Variants in C6orf89 observed in about 807,000 individuals in gnomAD.
The protein encoded by C6orf89 is chromosome 6 open reading frame 89, also known as bombesin receptor-activated protein C6orf89.
A neutral mutation model predicts 40.7 loss-of-function variants in C6orf89; 29 were observed. The ratio of observed to expected loss-of-function variants is 0.71; its 90% CI spans 0.53 to 0.97. The LOEUF is 0.97. Among genes scored for constraint, C6orf89 ranks in the 50% least tolerant of loss-of-function variants. The pLI, the probability that C6orf89 is intolerant of heterozygous loss-of-function variation, is 0.00. For missense variants in C6orf89, 392 were observed against 429.1 expected, an observed-to-expected ratio of 0.91 and a Z score of 0.76; for synonymous variants, 165 against 152.2, an observed-to-expected ratio of 1.08 and a Z score of -0.62.
At chr6:36,915,610 G>T (rs919918193) in intron 6 of C6orf89, among the ~76,000 whole-genome samples, 2 of 152,078 alleles carry the variant, frequency 1.3e-5, no homozygotes, top group African/African-American at 4.8e-5. Context: ...GGAGGCTGAG[G>T]TGGGAGGATG....
intron 7 of C6orf89, among the ~76,000 whole-genome samples, chr6:36,917,850 A>T (rs2150713759): frequency 6.6e-6 from 1 of 152,342 alleles, no homozygotes; most frequent in African/African-American, 2.4e-5. Flanking sequence ...ACCAAAGTTA[A>T]TTTCTCCAGC....
Position 36,928,401 on chromosome 6 carries a change from C to G in C6orf89, c.*4960C>G, listed in dbSNP as rs1002875174. On this transcript the variant is annotated 3_prime_UTR_variant, in exon 9 of 9. Coordinates refer to ENST00000480824, the MANE Select transcript of C6orf89 (RefSeq NM_001286635.2). ...CAGCTCCTTGGGGCAGGGGGCTCACCTGTGCAGCCACCCTTACTCACAGTA... is the reference window on the plus strand; with the variant it reads ...CAGCTCCTTGGGGCAGGGGGCTCACGTGTGCAGCCACCCTTACTCACAGTA... 1 of 152,648 alleles carries G rather than the reference C, an allele frequency of 6.6e-6. No individual in the cohort carries two copies. Among genetic ancestry groups the G allele is most frequent in the African/African-American group, 2.4e-5 (1 of 41,296 alleles). The allele number at this position is 152,648 out of a possible 1,614,324, so 9.5% of individuals were successfully genotyped here. A position where few individuals can be genotyped will look rare whatever the true frequency, so the allele number is the denominator to read the frequency against.
At chr6:36,916,266 A>G (rs2293393) in intron 6 of C6orf89, among the ~76,000 whole-genome samples, 179 bp from the exon 7 acceptor site, 88,276 of 152,074 alleles carry the variant, frequency 0.58, 26,306 homozygotes, top group African/African-American at 0.69. Flanking sequence ...GTGTGTACAC[A>G]TTATAGTTCA....
chr6:36,916,653 C>T, intron 7 of C6orf89, 79 bp downstream of exon 7: 1 of 1,562,894 alleles, frequency 6.4e-7, no homozygotes, highest in Non-Finnish European at 8.8e-7. Flanking sequence ...AAGGCCTTCC[C>T]TGCATATTGG....
At chr6:36,898,208 A>T (rs996558854) in intron 2 of C6orf89, among the ~76,000 whole-genome samples, 1 of 134,212 alleles carries the variant, frequency 7.5e-6, no homozygotes, top group African/African-American at 2.7e-5. Flanking sequence ...TCAGCTTCCC[A>T]GGTAGCTGGG....
intron 6 of C6orf89, among the ~76,000 whole-genome samples, chr6:36,915,771 A>T (rs1443205016): frequency 1.3e-5 from 2 of 151,852 alleles, no homozygotes; most frequent in Non-Finnish European, 2.9e-5. Flanking sequence ...GAGATTAAGT[A>T]ACTTGCCTAA....
At chr6:36,878,357 G>T (rs1774715455) in intron 1 of C6orf89, among the ~76,000 whole-genome samples, 4 of 152,186 alleles carry the variant, frequency 2.6e-5, no homozygotes, top group Admixed American at 2.6e-4. Context: ...CAGATTTCTT[G>T]TAGAAAGCAG....
chr6:36,882,965 T>C (rs1234009083), upstream of C6orf89, among the ~76,000 whole-genome samples: 4 of 151,880 alleles, frequency 2.6e-5, no homozygotes, highest in Admixed American at 2.6e-4. Flanking sequence ...GGTCTCGATC[T>C]CCTGACCTCA....
rs373540885 is a variant in C6orf89, at chr6:36,919,722, G to T, written c.949+21G>T. On this transcript the variant is annotated intron_variant, in intron 8 of 8. Transcript: ENST00000480824. Reference sequence around the variant, plus strand: ...TATCGGTATGTAGGGCCCCAGGAGGGCAGGGTCAATGGATCTTTTTAGTTT... The same window carrying T: ...TATCGGTATGTAGGGCCCCAGGAGGTCAGGGTCAATGGATCTTTTTAGTTT... The T allele has an allele frequency of 3.4e-5, 54 of 1,582,494 alleles. No individual in the cohort carries two copies. The African/African-American group carries it at 6.3e-4, about 19-fold the overall frequency.
intron 2 of C6orf89, among the ~76,000 whole-genome samples, chr6:36,898,458 T>C (rs944936475): frequency 6.6e-6 from 1 of 151,888 alleles, no homozygotes; most frequent in African/African-American, 2.4e-5. Context: ...TTAGTATTTT[T>C]AGTAGAGGCG....
In C6orf89 at chr6:36,899,600, C is replaced by G. The variant is rs73732050; in HGVS notation, c.156C>G (p.Pro52=). 9.0e-5 allele frequency: 145 copies of G among 1,614,142 alleles called. No homozygotes were observed. Among genetic ancestry groups the G allele is most frequent in the Middle Eastern group, 6.6e-4 (4 of 6,062 alleles). Residue 52 remains proline (P), a synonymous_variant, in exon 3 of 9, where the codon CCC becomes CCG. Coordinates refer to ENST00000480824, the MANE Select transcript of C6orf89 (RefSeq NM_001286635.2). ...AAAAGAATGAACCTCAGAGACCCCC[C>G]CCGCAGTATCCTCTCCTTATAGTTG... ...LLEKNEPQRP[P]PQYPLLIVVY... is the part of the protein sequence containing the mutation.
chr6:36,923,628 C>CT lies in C6orf89; in HGVS notation c.*188dup. ...CAGAGCCTCGCCCTCCTGACTCTTC[C>CT]TGCAGGTGGCTCAGGAAGGATTCAG... On this transcript the variant is annotated 3_prime_UTR_variant, in exon 9 of 9. Coordinates refer to ENST00000480824, the MANE Select transcript of C6orf89 (RefSeq NM_001286635.2). 1.6e-6 allele frequency: 1 copy of CT among 635,364 alleles called. No homozygotes were observed. The highest frequency in any genetic ancestry group is 3.0e-6 in the Non-Finnish European group (1 of 337,136). The allele number at this position is 635,364 out of a possible 1,614,324, so 39.4% of individuals were successfully genotyped here. A position where few individuals can be genotyped will look rare whatever the true frequency, so the allele number is the denominator to read the frequency against.
intron 1 of C6orf89, chr6:36,874,666 G>A: frequency 6.3e-7 from 1 of 1,598,414 alleles, no homozygotes; most frequent in Non-Finnish European, 8.6e-7. Flanking sequence ...CCGTGGTGAG[G>A]CCCGGGCTCC....
intron 3 of C6orf89, 43 bp from the exon 4 acceptor site, chr6:36,902,178 A>G (rs1343394208): frequency 6.5e-7 from 1 of 1,536,300 alleles, no homozygotes; most frequent in East Asian, 2.2e-5. Flanking sequence ...GTATTAAGGT[A>G]TTTGTTTGCT....
At chr6:36,919,533 T>C in intron 7 of C6orf89, 45 bp from the exon 8 acceptor site, 1 of 1,587,950 alleles carries the variant, frequency 6.3e-7, no homozygotes, top group Non-Finnish European at 8.6e-7. Context: ...TTTTATTTCG[T>C]TTTCTTTGCC....
intron 1 of C6orf89, among the ~76,000 whole-genome samples, chr6:36,889,652 A>C (rs185458655): frequency 6.6e-6 from 1 of 152,204 alleles, no homozygotes; most frequent in East Asian, 1.9e-4. Flanking sequence ...GAGGCATGGC[A>C]GCCAAATTCA....
chr6:36,899,723 C>A, intron 3 of C6orf89, 90 bp downstream of exon 3: 1 of 1,268,272 alleles, frequency 7.9e-7, no homozygotes, highest in Non-Finnish European at 1.1e-6. Flanking sequence ...AATCCCACCA[C>A]TGAGCATTGG....
intron 7 of C6orf89, 104 bp from the exon 8 acceptor site, chr6:36,919,474 G>A (rs541843669): frequency 1.5e-6 from 2 of 1,364,230 alleles, no homozygotes; most frequent in Non-Finnish European, 2.0e-6. Flanking sequence ...CTTATGCTAG[G>A]AAACTCAGAG....
At chr6:36,919,759 G>C (rs1762452052) in intron 8 of C6orf89, 58 bp downstream of exon 8, 2 of 1,510,414 alleles carry the variant, frequency 1.3e-6, no homozygotes, top group African/African-American at 1.4e-5. Flanking sequence ...TAACTCAAAA[G>C]CTATTTTAAG....
Sources: allele counts gnomAD v4.1 joint callset (sites outside exome capture counted in the v4.1 genomes callset), GRCh38; gene constraint gnomAD v4.1.1; transcripts MANE v1.5; gene names NCBI Gene and HGNC (gene_info 2026-07-23, HGNC 2026-07-21).